Variants in KYNU observed in about 807,000 individuals in gnomAD.
KYNU encodes the protein kynureninase, also known as L-kynurenine hydrolase.
Under a neutral mutation model 59.2 loss-of-function variants are expected in KYNU, and 54 were observed. That is an observed-to-expected ratio of 0.91 (90% CI 0.73 to 1.14). The LOEUF (loss-of-function observed/expected upper bound fraction) is 1.14. Among genes scored for constraint, KYNU ranks in the 50% most tolerant of loss-of-function variants. KYNU has a pLI of 0.00. For synonymous variants in KYNU, 177 were observed against 192.0 expected, an observed-to-expected ratio of 0.92 and a Z score of 0.65; for missense variants, 567 against 554.4, an observed-to-expected ratio of 1.02 and a Z score of -0.23.
At chr2:142,952,347 A>G (rs1028025212) in intron 4 of KYNU, among the ~76,000 whole-genome samples, 3 of 151,998 alleles carry the variant, frequency 2.0e-5, no homozygotes, top group Non-Finnish European at 4.4e-5. Context: ...AAGTGTTGGG[A>G]TTAGAGATAT....
At chr2:142,912,371 CTTTTTTTTTTTTT>C (rs60854220) in intron 2 of KYNU, among the ~76,000 whole-genome samples, 4 of 89,512 alleles carry the variant, frequency 4.5e-5, no homozygotes, top group East Asian at 3.3e-4. Flanking sequence ...TTTTGTATTT[CTTTTTTTTTTTTT>C]TTTTTTTTTT....
At chr2:142,882,003 C>G (rs1346000566) in intron 1 of KYNU, among the ~76,000 whole-genome samples, 2 of 150,442 alleles carry the variant, frequency 1.3e-5, no homozygotes, top group Admixed American at 6.7e-5. Context: ...AATCCCCTGC[C>G]TCGGCCTCCC....
intron 2 of KYNU, among the ~76,000 whole-genome samples, chr2:142,894,477 A>T (rs898604071): frequency 6.6e-6 from 1 of 152,312 alleles, no homozygotes; most frequent in Non-Finnish European, 1.5e-5. Flanking sequence ...TGCAGAAATC[A>T]TACATCTCTA....
intron 8 of KYNU, among the ~76,000 whole-genome samples, chr2:142,983,359 G>A (rs1222584835): frequency 1.3e-5 from 2 of 152,000 alleles, no homozygotes; most frequent in African/African-American, 2.4e-5. Flanking sequence ...TATTACATGT[G>A]CTAACATTCT....
intron 2 of KYNU, among the ~76,000 whole-genome samples, chr2:142,906,624 G>A (rs537269543): frequency 1.3e-5 from 2 of 152,118 alleles, no homozygotes; most frequent in Admixed American, 1.3e-4. Context: ...GAGAGAAAGT[G>A]AAAGTCTGAA....
intron 10 of KYNU, among the ~76,000 whole-genome samples, chr2:143,015,208 A>G (rs1368346016): frequency 6.6e-6 from 1 of 152,206 alleles, no homozygotes; most frequent in Non-Finnish European, 1.5e-5. Context: ...TCATTAGACA[A>G]CAATTCTGAA....
chr2:143,017,313 T>C lies in KYNU; in HGVS notation c.903-12314T>C, dbSNP rs536201267. Among the ~76,000 whole-genome samples the C allele has an allele frequency of 3.9e-5, 6 of 152,102 alleles. No homozygotes were observed. The South Asian group carries it at 1.2e-3, about 32-fold the overall frequency. Reference sequence around the variant, plus strand: ...TGGTATTTGTAAATTCTTTGAGAAATATCCAAACTGCTTTCCACATAGCTG... The same window carrying C: ...TGGTATTTGTAAATTCTTTGAGAAACATCCAAACTGCTTTCCACATAGCTG... On this transcript the variant is annotated intron_variant, in intron 10 of 13. Coordinates refer to ENST00000264170, the MANE Select transcript of KYNU (RefSeq NM_003937.3).
At chr2:142,940,622 T>C (rs1353868479) in intron 4 of KYNU, among the ~76,000 whole-genome samples, 1 of 152,222 alleles carries the variant, frequency 6.6e-6, no homozygotes, top group Non-Finnish European at 1.5e-5. Context: ...TATTCAGTCT[T>C]GTTTAGAAAA....
At chr2:143,030,363 C>T (rs1224648856) in intron 11 of KYNU, among the ~76,000 whole-genome samples, 2 of 152,216 alleles carry the variant, frequency 1.3e-5, no homozygotes, top group East Asian at 3.8e-4. Context: ...ATTTCTCAAT[C>T]ACATGGGATG....
chr2:142,997,596 T>A (rs953650791), intron 10 of KYNU, among the ~76,000 whole-genome samples: 2 of 152,192 alleles, frequency 1.3e-5, no homozygotes, highest in Admixed American at 6.5e-5. Context: ...TGTATGGTAA[T>A]AAGTTGCCAA....
chr2:142,884,777 G>C (rs540165421), intron 1 of KYNU, among the ~76,000 whole-genome samples: 14 of 136,100 alleles, frequency 1.0e-4, no homozygotes, highest in Non-Finnish European at 1.8e-4. Context: ...TACAATCCCA[G>C]CTCACTGCAA....
At chr2:142,911,077 T>A (rs529773691) in intron 2 of KYNU, among the ~76,000 whole-genome samples, 70 of 152,326 alleles carry the variant, frequency 4.6e-4, no homozygotes, top group African/African-American at 1.7e-3. Context: ...AATTTTAGAA[T>A]AGATTTTTCT....
rs1463308568 is a variant in KYNU at position 143,047,034 on chromosome 2, C to T, written c.*4862C>T. 6.6e-6 allele frequency: 1 copy of T among 151,986 alleles called. No individual in the cohort carries two copies. Among genetic ancestry groups the T allele is most frequent in the Non-Finnish European group, 1.5e-5 (1 of 67,976 alleles). 9.4% of individuals were successfully genotyped at this position (151,986 alleles called of 1,614,324 possible). ...TTATAGTTTGACAAATTCCTAAGTA[C>T]TTCTAATTTTATTGTCATTCCACAT... is the stretch of plus-strand genomic sequence containing the variant. On this transcript the variant is annotated 3_prime_UTR_variant, in exon 14 of 14. Transcript: ENST00000264170.
rs910793947 is a variant in KYNU, at chr2:143,050,131, ATATT to A, written c.*7962_*7965del. ...TTATGTAAACATGATAATTAAATAT[ATATT>A]TAAATAATATAAATATAATAAATAT... On this transcript the variant is annotated 3_prime_UTR_variant, in exon 14 of 14. Coordinates refer to ENST00000264170, the MANE Select transcript of KYNU (RefSeq NM_003937.3). 3 of 148,786 alleles carry A rather than the reference ATATT, an allele frequency of 2.0e-5. No individual in the cohort carries two copies. The highest frequency in any genetic ancestry group is 4.5e-5 in the Non-Finnish European group (3 of 67,320). The allele number at this position is 148,786 out of a possible 1,614,324, so 9.2% of individuals were successfully genotyped here. A position where few individuals can be genotyped will look rare whatever the true frequency, so the allele number is the denominator to read the frequency against.
At chr2:142,988,113 A>G (rs907679924) in intron 10 of KYNU, among the ~76,000 whole-genome samples, 7 of 151,912 alleles carry the variant, frequency 4.6e-5, no homozygotes, top group Non-Finnish European at 8.8e-5. Flanking sequence ...GGACTAATAC[A>G]GCATTATATG....
At chr2:143,015,616 G>C (rs1299255905) in intron 10 of KYNU, among the ~76,000 whole-genome samples, 1 of 152,042 alleles carries the variant, frequency 6.6e-6, no homozygotes, top group Non-Finnish European at 1.5e-5. Flanking sequence ...TTATGTGAAT[G>C]ACATTCCTTC....
intron 12 of KYNU, among the ~76,000 whole-genome samples, chr2:143,034,477 C>T (rs961412790): frequency 6.6e-6 from 1 of 152,150 alleles, no homozygotes; most frequent in African/African-American, 2.4e-5. Flanking sequence ...GCATCAAGTT[C>T]CTCTGTTTTT....
At chr2:142,976,037 G>T (rs939890307) in intron 8 of KYNU, among the ~76,000 whole-genome samples, 7 of 152,208 alleles carry the variant, frequency 4.6e-5, no homozygotes, top group African/African-American at 1.7e-4. Context: ...AATTTACCAC[G>T]ACAGTCATAG....
chr2:142,975,375 C>G (rs888207468), intron 8 of KYNU, among the ~76,000 whole-genome samples: 1 of 152,204 alleles, frequency 6.6e-6, no homozygotes, highest in Non-Finnish European at 1.5e-5. Context: ...GATCCCACCT[C>G]CATCACTCAA....
Sources: gnomAD v4.1 joint callset for allele counts (sites outside exome capture counted in the v4.1 genomes callset) on GRCh38, gnomAD v4.1.1 for gene constraint, MANE v1.5 for transcripts, NCBI Gene and HGNC (gene_info 2026-07-23, HGNC 2026-07-21) for gene names.